ZNF684: variants seen among roughly 807,000 people sequenced by gnomAD.
ZNF684 encodes zinc finger protein 684.
ZNF684 carries 13 observed loss-of-function variants against 12.8 expected under a neutral mutation model. That is an observed-to-expected ratio of 1.02 (90% confidence interval 0.66 to 1.62). The LOEUF (loss-of-function observed/expected upper bound fraction) is 1.62, where lower values mean the gene tolerates loss of function less well. Ranked by LOEUF, ZNF684 falls within the 40% of genes most tolerant of loss-of-function variation. The pLI is 0.00. For synonymous variants in ZNF684, 118 were observed against 151.8 expected (o/e 0.78, Z 1.64); for missense variants, 384 against 446.9 (o/e 0.86, Z 1.27).
At chr1:40,537,918 T>C (rs1420318624) in intron 2 of ZNF684, among the ~76,000 whole-genome samples, 1 of 152,184 alleles carries the variant, frequency 6.6e-6, no homozygotes, top group Admixed American at 6.5e-5. Context: ...ATCTACTTTC[T>C]CTTTCTATGG....
Position 40,542,409 on chromosome 1 carries a change from A to G in ZNF684, c.238+699A>G, listed in dbSNP as rs1268894152. ...AATTTGGGATATGTCTTGTAGCGCA[A>G]CTTTCTGTTTCACTTGGTAATATTG... On this transcript the variant is annotated intron_variant, in intron 4 of 4. Coordinates refer to ENST00000372699, the MANE Select transcript of ZNF684 (RefSeq NM_152373.4). Among the ~76,000 whole-genome samples the G allele has an allele frequency of 2.0e-5, 3 of 152,070 alleles. No homozygotes were observed. The East Asian group carries it at 5.8e-4, about 29-fold the overall frequency.
chr1:40,544,542 C>T (rs1245625874), intron 4 of ZNF684: 11 of 273,486 alleles, frequency 4.0e-5, no homozygotes, highest in Non-Finnish European at 6.6e-5. Context: ...AGTAGAGACA[C>T]GGTTTCACCA....
At chr1:40,539,122 C>T (rs894243687) in intron 2 of ZNF684, among the ~76,000 whole-genome samples, 1 of 151,774 alleles carries the variant, frequency 6.6e-6, no homozygotes, top group Non-Finnish European at 1.5e-5. Flanking sequence ...CTCCGCCTCT[C>T]GGGTTCAAGC....
At chr1:40,534,592 C>T (rs1048770036) in intron 2 of ZNF684, among the ~76,000 whole-genome samples, 1 of 152,012 alleles carries the variant, frequency 6.6e-6, no homozygotes, top group African/African-American at 2.4e-5. Flanking sequence ...AATTCCTGTA[C>T]ATTTCTTATA....
At position 40,546,934 on chromosome 1, in the gene ZNF684, C is replaced by G. The variant is rs780208127; in HGVS notation, c.611C>G (p.Thr204Ser). 2 of 1,614,140 alleles carry G rather than the reference C, an allele frequency of 1.2e-6. No individual in the cohort carries two copies. Among genetic ancestry groups the G allele is most frequent in the Non-Finnish European group, 8.5e-7 (1 of 1,180,018 alleles). ...KAYSRKAHLATHQKIHNGERP... is the reference protein window; with the variant it reads ...KAYSRKAHLASHQKIHNGERP... The stretch of plus-strand genomic sequence containing the variant: ...TATAGCAGGAAGGCACACCTTGCAA[C>G]TCATCAGAAAATTCATAATGGAGAG... The change falls in exon 5 of 5, where the codon ACT (threonine) becomes AGT (serine). Residue 204 changes from threonine (T) to serine (S), a missense_variant. Thr to Ser is a moderately conservative substitution (Grantham distance 58, BLOSUM62 1). Transcript: ENST00000372699.
chr1:40,544,396 G>C (rs2124511858), intron 4 of ZNF684: 1 of 426,162 alleles, frequency 2.3e-6, no homozygotes, highest in Non-Finnish European at 4.7e-6. Context: ...TTTTGAGACA[G>C]AGTCTCGCTC....
intron 3 of ZNF684, among the ~76,000 whole-genome samples, chr1:40,541,051 A>AATT (rs1646011845): frequency 6.7e-6 from 1 of 149,158 alleles, no homozygotes; most frequent in African/African-American, 2.5e-5. Context: ...AAAAAAAAAA[A>AATT]TCGTATGAAA....
In ZNF684 at chr1:40,547,249, G is replaced by A. The variant is rs1161518385; in HGVS notation, c.926G>A (p.Gly309Asp). The A allele has an allele frequency of 6.2e-7, 1 of 1,614,146 alleles. No homozygotes were observed. Among genetic ancestry groups the A allele is most frequent in the Non-Finnish European group, 8.5e-7 (1 of 1,180,032 alleles). The change falls in exon 5 of 5, where the codon GGC becomes GAC. Residue 309 changes from glycine (G) to aspartate (D), a missense_variant. Coordinates refer to ENST00000372699, the MANE Select transcript of ZNF684 (RefSeq NM_152373.4). ...TGTATCATATGTGGCAAAGCTTTTG[G>A]CAACACATCCGTGCTTGTTACACAC... ...YQCIICGKAF[G>D]NTSVLVTHQR...
chr1:40,546,861 A>C lies in ZNF684; in HGVS notation c.538A>C (p.Asn180His), dbSNP rs149124737. The C allele has an allele frequency of 6.0e-5, 97 of 1,613,350 alleles. No individual in the cohort carries two copies. The African/African-American group carries it at 9.3e-4, about 16-fold the overall frequency. Residue 180 changes from asparagine (N) to histidine (H), a missense_variant, in exon 5 of 5, where the codon AAT (asparagine) becomes CAT (histidine). Transcript: ENST00000372699. The part of the protein sequence containing the change: ...KKFHFIRHEK[N>H]HTRKKPFECN... The stretch of plus-strand genomic sequence containing the variant: ...GTTTCATTTCATTAGACATGAAAAA[A>C]ATCATACAAGGAAAAAACCTTTTGA...
At chr1:40,534,363 C>T (rs1424415992) in intron 2 of ZNF684, among the ~76,000 whole-genome samples, 1 of 149,170 alleles carries the variant, frequency 6.7e-6, no homozygotes, top group Non-Finnish European at 1.5e-5. Flanking sequence ...GCCTCAGCTT[C>T]CTGAGTAGGT....
chr1:40,547,087 A>G lies in ZNF684; in HGVS notation c.764A>G (p.Asn255Ser). ...CAATGTGGGAAAACATTCACTTGGA[A>G]CTCCTCATTTAATCAACACGTGAAA... ...CSQCGKTFTWNSSFNQHVKSH... is the reference protein window; with the variant it reads ...CSQCGKTFTWSSSFNQHVKSH... Residue 255 changes from asparagine (N) to serine (S), a missense_variant, in exon 5 of 5, where the codon AAC (asparagine) becomes AGC (serine). Physicochemically the swap from Asn to Ser is conservative, Grantham distance 46. Coordinates refer to ENST00000372699, the MANE Select transcript of ZNF684 (RefSeq NM_152373.4). The G allele has an allele frequency of 3.1e-6, 5 of 1,614,114 alleles. No homozygotes were observed. Among genetic ancestry groups the G allele is most frequent in the Non-Finnish European group, 4.2e-6 (5 of 1,180,030 alleles).
chr1:40,541,517 C>A, intron 3 of ZNF684, 98 bp from the exon 4 acceptor site: 1 of 927,182 alleles, frequency 1.1e-6, no homozygotes, highest in Non-Finnish European at 1.7e-6. Context: ...GCTTGTTATC[C>A]TTTAAAAATC....
At chr1:40,539,657 G>T (rs1325811602) in intron 2 of ZNF684, among the ~76,000 whole-genome samples, 1 of 152,094 alleles carries the variant, frequency 6.6e-6, no homozygotes, top group Non-Finnish European at 1.5e-5. Context: ...CCTCATAGAA[G>T]TGAAATGCTG....
At position 40,547,841 on chromosome 1, in the gene ZNF684, T is replaced by G. The variant is rs1398070999; in HGVS notation, c.*381T>G. Reference sequence around the variant, plus strand: ...TTAACAGTTTCTGCAGTAAATAACATTTTTTCTTCCAGTCTCAACATACAT... The same window carrying G: ...TTAACAGTTTCTGCAGTAAATAACAGTTTTTCTTCCAGTCTCAACATACAT... On this transcript the variant is annotated 3_prime_UTR_variant, in exon 5 of 5. Transcript: ENST00000372699. 6.4e-6 allele frequency: 1 copy of G among 155,844 alleles called. No homozygotes were observed. The highest frequency in any genetic ancestry group is 1.4e-5 in the Non-Finnish European group (1 of 70,534). The allele number at this position is 155,844 out of a possible 1,614,324, so 9.7% of individuals were successfully genotyped here.
At position 40,548,053 on chromosome 1, in the gene ZNF684, CA is replaced by C. The variant is rs1157654882; in HGVS notation, c.*599del. The C allele has an allele frequency of 6.6e-6, 1 of 151,968 alleles. No individual in the cohort carries two copies. The highest frequency in any genetic ancestry group is 2.4e-5 in the African/African-American group (1 of 41,378). 9.4% of individuals were successfully genotyped at this position (151,968 alleles called of 1,614,324 possible). A position where few individuals can be genotyped will look rare whatever the true frequency, so the allele number is the denominator to read the frequency against. ...TTTCCTATGTATGTAAATACCAGAA[CA>C]AAAAACAAGACACTAATTGAGGAGA... On this transcript the variant is annotated 3_prime_UTR_variant, in exon 5 of 5. Coordinates refer to ENST00000372699, the MANE Select transcript of ZNF684 (RefSeq NM_152373.4).
At position 40,533,180 on chromosome 1, in the gene ZNF684, A is replaced by T; in HGVS notation, c.14A>T (p.Gln5Leu). 1 of 1,613,618 alleles carries T rather than the reference A, an allele frequency of 6.2e-7. No homozygotes were observed. Among genetic ancestry groups the T allele is most frequent in the South Asian group, 1.1e-5 (1 of 90,994 alleles). ...GAGCTGCAGAAAATGATCAGCTTCC[A>T]GGTAAGGTATCCATCTATTCATCCA... is the stretch of plus-strand genomic sequence containing the variant. Reference protein sequence around the residue: MISFQESVTFQDVAV... With the variant: MISFLESVTFQDVAV... Residue 5 changes from glutamine to leucine, a missense_variant and splice_region_variant, in exon 2 of 5, where the codon CAG becomes CTG. By Grantham distance (113) the Gln-to-Leu change is moderately radical. Transcript: ENST00000372699.
intron 2 of ZNF684, among the ~76,000 whole-genome samples, chr1:40,538,246 G>C (rs1645995523): frequency 6.6e-6 from 1 of 152,014 alleles, no homozygotes; most frequent in South Asian, 2.1e-4. Flanking sequence ...GCCTACCTCA[G>C]CCTCCCAAAG....
intron 4 of ZNF684, among the ~76,000 whole-genome samples, chr1:40,546,142 T>C (rs1030359841): frequency 2.6e-5 from 4 of 152,126 alleles, no homozygotes; most frequent in African/African-American, 9.7e-5. Flanking sequence ...AGGATAGTCT[T>C]GATCTCTTGA....
chr1:40,536,064 T>G (rs941833458), intron 2 of ZNF684, among the ~76,000 whole-genome samples: 3 of 152,156 alleles, frequency 2.0e-5, no homozygotes, highest in East Asian at 3.8e-4. Flanking sequence ...CTTTTAACAT[T>G]TATCCATTAA....
Sources: allele counts gnomAD v4.1 joint callset (sites outside exome capture counted in the v4.1 genomes callset), GRCh38; gene constraint gnomAD v4.1.1; transcripts MANE v1.5; gene names NCBI Gene and HGNC (gene_info 2026-07-23, HGNC 2026-07-21).